GLYR1: variants seen among roughly 807,000 people sequenced by gnomAD.
The protein encoded by GLYR1 is glyoxylate reductase 1 homolog, also known as cytokine-like nuclear factor N-PAC.
GLYR1 carries 21 observed loss-of-function variants against 72.7 expected under a neutral mutation model. That is an observed-to-expected ratio of 0.29 (90% CI 0.20 to 0.42). The LOEUF is 0.42. Among genes scored for constraint, GLYR1 ranks in the 10% least tolerant of loss-of-function variants. GLYR1 has a pLI of 1.00. For synonymous variants in GLYR1, 392 were observed against 270.2 expected, an observed-to-expected ratio of 1.45 and a Z score of -4.42; for missense variants, 594 against 712.1, an observed-to-expected ratio of 0.83 and a Z score of 1.89.
chr16:4,842,587 C>T (rs1444076566), intron 3 of GLYR1, among the ~76,000 whole-genome samples: 1 of 152,230 alleles, frequency 6.6e-6, no homozygotes, highest in Non-Finnish European at 1.5e-5. Flanking sequence ...TCTCCGGCTC[C>T]TGGGCTCAAG....
At chr16:4,824,857 C>T (rs1358375429) in intron 5 of GLYR1, among the ~76,000 whole-genome samples, 2 of 152,142 alleles carry the variant, frequency 1.3e-5, no homozygotes, top group East Asian at 3.9e-4. Context: ...GCCACAGTGG[C>T]CCTCTTGACA....
At chr16:4,811,404 T>C (rs965558050) in intron 14 of GLYR1, 110 bp from the exon 15 acceptor site, 3 of 1,464,172 alleles carry the variant, frequency 2.0e-6, no homozygotes, top group South Asian at 1.3e-5. Context: ...CAGTTCCACA[T>C]AGCCTAGGCC....
chr16:4,834,539 T>G (rs540448671), intron 3 of GLYR1, among the ~76,000 whole-genome samples: 1 of 151,644 alleles, frequency 6.6e-6, no homozygotes, highest in South Asian at 2.1e-4. Context: ...CTTAGCTAAC[T>G]GCGACCTCCG....
At chr16:4,805,823 T>A (rs1231850446) in intron 15 of GLYR1, among the ~76,000 whole-genome samples, 2 of 149,130 alleles carry the variant, frequency 1.3e-5, no homozygotes, top group African/African-American at 2.5e-5. Flanking sequence ...AAAAAAAAAA[T>A]ACAAAAAATT....
chr16:4,829,274 T>A (rs1266097852), intron 5 of GLYR1, among the ~76,000 whole-genome samples: 1 of 151,954 alleles, frequency 6.6e-6, no homozygotes, highest in Non-Finnish European at 1.5e-5. Context: ...ACATTTAAAA[T>A]TGGGATATTT....
chr16:4,831,488 C>A (rs752846148), intron 5 of GLYR1, among the ~76,000 whole-genome samples: 1 of 152,174 alleles, frequency 6.6e-6, no homozygotes, highest in Non-Finnish European at 1.5e-5. Flanking sequence ...AGTATCTCCA[C>A]CAGCACCGAG....
In GLYR1 at chr16:4,811,656, A is replaced by C; in HGVS notation, c.1429T>G (p.Leu477Val). 2 of 1,614,152 alleles carry C rather than the reference A, an allele frequency of 1.2e-6. No individual in the cohort carries two copies. Among genetic ancestry groups the C allele is most frequent in the Non-Finnish European group, 1.7e-6 (2 of 1,180,036 alleles). The change falls in exon 14 of 16, where the codon TTG becomes GTG. Residue 477 changes from leucine to valine, a missense_variant. Transcript: ENST00000321919. ...TTCTGGTCCAGGAAGATGCTGGCCA[A>C]CTGTCCCTGATTGAGGATGTCCAAG... Reference protein sequence around the residue: ...TLLDILNQGQLASIFLDQKCQ... With the variant: ...TLLDILNQGQVASIFLDQKCQ...
At chr16:4,811,106 A>G in intron 15 of GLYR1, 64 bp downstream of exon 15, 1 of 1,492,376 alleles carries the variant, frequency 6.7e-7, no homozygotes, top group Non-Finnish European at 9.0e-7. Context: ...CTCCGTTAAA[A>G]AAAAAAAAAA....
At chr16:4,808,532 A>G (rs1445088665) in intron 15 of GLYR1, among the ~76,000 whole-genome samples, 1 of 152,058 alleles carries the variant, frequency 6.6e-6, no homozygotes, top group African/African-American at 2.4e-5. Flanking sequence ...CAGGAGGCAG[A>G]GGTTGCAGTG....
At position 4,817,698 on chromosome 16, in the gene GLYR1, C is replaced by G. The variant is rs1463981653; in HGVS notation, c.807-1G>C. On this transcript the variant is annotated splice_acceptor_variant, in intron 9 of 15. Transcript: ENST00000321919. LOFTEE classifies it high-confidence loss of function. ...GAGACCAAGGCCCAAAAATCCTATC[C>G]TGAAACAGAGAGAGACTGATGAGTT... 6.3e-7 allele frequency: 1 copy of G among 1,595,460 alleles called. No individual in the cohort carries two copies. Among genetic ancestry groups the G allele is most frequent in the Non-Finnish European group, 8.6e-7 (1 of 1,163,198 alleles).
chr16:4,835,080 G>A (rs150577236), intron 3 of GLYR1, among the ~76,000 whole-genome samples: 3 of 152,248 alleles, frequency 2.0e-5, no homozygotes, highest in African/African-American at 4.8e-5. Flanking sequence ...CTGGTCAGAA[G>A]CTGAGAACCA....
intron 3 of GLYR1, among the ~76,000 whole-genome samples, chr16:4,843,090 A>G (rs546590485): frequency 1.3e-5 from 2 of 152,342 alleles, no homozygotes; most frequent in Admixed American, 1.3e-4. Context: ...TTGCTTTCTT[A>G]TAAATTCCCT....
rs117022404 is a variant in GLYR1, at chr16:4,818,430, G to C, written c.807-733C>G. 1.1e-3 allele frequency among the ~76,000 whole-genome samples: 171 copies of C among 152,210 alleles called. 1 individual carries two copies. The highest frequency in any genetic ancestry group is 8.5e-3 in the East Asian group (44 of 5,174). Reference sequence around the variant, plus strand: ...CCCCCTCAGCCTCCTGGGTAGCTGAGACTACAGGCATCTGTCAGCACACCT... The same window carrying C: ...CCCCCTCAGCCTCCTGGGTAGCTGACACTACAGGCATCTGTCAGCACACCT... On this transcript the variant is annotated intron_variant, in intron 9 of 15. Coordinates refer to ENST00000321919, the MANE Select transcript of GLYR1 (RefSeq NM_032569.4).
intron 5 of GLYR1, among the ~76,000 whole-genome samples, chr16:4,824,845 C>T (rs540109961): frequency 2.8e-4 from 43 of 152,136 alleles, no homozygotes; most frequent in Non-Finnish European, 4.9e-4. Context: ...CACTCCCTTC[C>T]AGCCACAGTG....
chr16:4,843,442 A>C, intron 3 of GLYR1: 2 of 1,215,166 alleles, frequency 1.6e-6, no homozygotes, highest in Non-Finnish European at 2.1e-6. Flanking sequence ...GGCCTGAGGC[A>C]CCATGCCCGG....
Position 4,835,411 on chromosome 16 carries a change from C to T in GLYR1, c.156-2499G>A, listed in dbSNP as rs147137792. ...AAATTTTCCTCTTTACAACCATCTTCGAAACATTAAAATGGCTAAATGAAC... is the reference window on the plus strand; with the variant it reads ...AAATTTTCCTCTTTACAACCATCTTTGAAACATTAAAATGGCTAAATGAAC... On this transcript the variant is annotated intron_variant, in intron 3 of 15. Transcript: ENST00000321919. Among the ~76,000 whole-genome samples, 50 of 152,264 alleles carry T rather than the reference C, an allele frequency of 3.3e-4. No individual in the cohort carries two copies. In the East Asian group the frequency reaches 7.1e-3, roughly 22 times the overall value.
At chr16:4,844,944 G>GAA in intron 3 of GLYR1, 130 bp downstream of exon 3, 1 of 673,362 alleles carries the variant, frequency 1.5e-6, no homozygotes, top group Admixed American at 2.4e-5. Flanking sequence ...TATGAAGGCA[G>GAA]AATGAGATGC....
intron 5 of GLYR1, among the ~76,000 whole-genome samples, chr16:4,824,869 C>A (rs2084279364): frequency 1.3e-5 from 2 of 152,102 alleles, no homozygotes; most frequent in African/African-American, 4.8e-5. Context: ...CTCTTGACAC[C>A]CCCTGCCTAA....
At chr16:4,838,761 G>A (rs952596623) in intron 3 of GLYR1, among the ~76,000 whole-genome samples, 1 of 151,934 alleles carries the variant, frequency 6.6e-6, no homozygotes, top group Non-Finnish European at 1.5e-5. Flanking sequence ...TAATTTTTTT[G>A]TATTTTTAGG....
Sources: gnomAD v4.1 joint callset for allele counts (sites outside exome capture counted in the v4.1 genomes callset) on GRCh38, gnomAD v4.1.1 for gene constraint, MANE v1.5 for transcripts, NCBI Gene and HGNC (gene_info 2026-07-23, HGNC 2026-07-21) for gene names.